Variants in NOL10 observed in about 807,000 individuals in gnomAD.
NOL10 encodes the protein H_NH0074G24.1.
NOL10 carries 58 observed loss-of-function variants against 103.5 expected under a neutral mutation model. That is an observed-to-expected ratio of 0.56 (90% confidence interval 0.45 to 0.70). NOL10 has a LOEUF of 0.70. NOL10 is among the 30% of genes least tolerant of loss of function. NOL10 has a pLI of 0.00. For missense variants in NOL10, 763 were observed against 807.3 expected, an observed-to-expected ratio of 0.95 and a Z score of 0.67; for synonymous variants, 287 against 282.5, an observed-to-expected ratio of 1.02 and a Z score of -0.16.
chr2:10,602,994 T>C, intron 15 of NOL10, 84 bp downstream of exon 15: 3 of 1,265,790 alleles, frequency 2.4e-6, no homozygotes, highest in Non-Finnish European at 2.3e-6. Flanking sequence ...CTATGTATGA[T>C]TTATGAAAGT....
chr2:10,685,497 CCCCCCCCCCCG>C (rs201185176), intron 1 of NOL10, among the ~76,000 whole-genome samples: 330 of 19,954 alleles, frequency 0.017, 24 homozygotes, highest in Middle Eastern at 0.024. Context: ...GTCCCCCCCC[CCCCCCCCCCCG>C]CCAAAAAAAA....
At chr2:10,640,806 T>G (rs760235951) in intron 13 of NOL10, among the ~76,000 whole-genome samples, 3 of 152,246 alleles carry the variant, frequency 2.0e-5, no homozygotes, top group Non-Finnish European at 4.4e-5. Context: ...CAATGACATA[T>G]AATAGAGGCA....
At chr2:10,578,747 T>C (rs921688460) in intron 19 of NOL10, among the ~76,000 whole-genome samples, 1 of 152,226 alleles carries the variant, frequency 6.6e-6, no homozygotes, top group East Asian at 1.9e-4. Flanking sequence ...CCTAATGATA[T>C]ATATTTTCAG....
At chr2:10,637,895 G>A (rs1678375608) in intron 13 of NOL10, among the ~76,000 whole-genome samples, 1 of 151,976 alleles carries the variant, frequency 6.6e-6, no homozygotes, top group Admixed American at 6.6e-5. Flanking sequence ...AAATTAAATG[G>A]TAAATGTTAA....
intron 17 of NOL10, among the ~76,000 whole-genome samples, chr2:10,593,400 G>T (rs2148170081): frequency 6.6e-6 from 1 of 152,108 alleles, no homozygotes; most frequent in East Asian, 1.9e-4. Flanking sequence ...GCCTTCCAAA[G>T]TGCTGGGATT....
Position 10,577,604 on chromosome 2 carries a change from GAATTAAAAAATAACAAT to G in NOL10, c.1947+15_1947+31del. The stretch of plus-strand genomic sequence containing the variant: ...TATTGAAAGGCTATTTTTCTTTTGT[GAATTAAAAAATAACAAT>G]AAAAGACAACTCACCCTCTTTAACG... On this transcript the variant is annotated intron_variant, in intron 20 of 20. Transcript: ENST00000381685. The G allele has an allele frequency of 6.7e-7, 1 of 1,483,580 alleles. No individual in the cohort carries two copies. The highest frequency in any genetic ancestry group is 2.3e-5 in the East Asian group (1 of 43,574). The allele number at this position is 1,483,580 out of a possible 1,614,324, so 91.9% of individuals were successfully genotyped here.
chr2:10,645,752 A>G (rs1679019934), intron 12 of NOL10, among the ~76,000 whole-genome samples: 1 of 151,676 alleles, frequency 6.6e-6, no homozygotes, highest in Admixed American at 6.6e-5. Context: ...GACAGTCTCA[A>G]TCTCCTGACC....
intron 17 of NOL10, among the ~76,000 whole-genome samples, chr2:10,593,065 CTAT>C (rs1675473320): frequency 6.6e-6 from 1 of 151,958 alleles, no homozygotes; most frequent in Non-Finnish European, 1.5e-5. Flanking sequence ...AGTGGGACGC[CTAT>C]TATTATTTTG....
At chr2:10,688,110 C>G (rs1682341877) in intron 1 of NOL10, among the ~76,000 whole-genome samples, 1 of 152,152 alleles carries the variant, frequency 6.6e-6, no homozygotes, top group African/African-American at 2.4e-5. Flanking sequence ...CAGTCCAATC[C>G]ATTAGCAAGT....
intron 19 of NOL10, 80 bp downstream of exon 19, chr2:10,588,963 C>A: frequency 6.4e-7 from 1 of 1,553,310 alleles, no homozygotes; most frequent in Non-Finnish European, 8.7e-7. Flanking sequence ...ACAGAAATGT[C>A]ATCTTTAGGG....
intron 13 of NOL10, among the ~76,000 whole-genome samples, chr2:10,635,599 C>T (rs1355956351): frequency 1.3e-5 from 2 of 152,124 alleles, no homozygotes; most frequent in African/African-American, 4.8e-5. Context: ...AGGGAAAATG[C>T]GTAGGAAGCC....
At chr2:10,683,963 C>G (rs1681962986) in intron 2 of NOL10, among the ~76,000 whole-genome samples, 1 of 152,030 alleles carries the variant, frequency 6.6e-6, no homozygotes, top group Admixed American at 6.6e-5. Flanking sequence ...AACATACCAA[C>G]CACAACAAAA....
At chr2:10,573,752 T>G (rs1375316740) in intron 20 of NOL10, among the ~76,000 whole-genome samples, 1 of 152,136 alleles carries the variant, frequency 6.6e-6, no homozygotes, top group Non-Finnish European at 1.5e-5. Context: ...ACTATTACTA[T>G]TCTTCAACTG....
chr2:10,624,611 T>C (rs1486908392), intron 13 of NOL10, among the ~76,000 whole-genome samples: 1 of 151,934 alleles, frequency 6.6e-6, no homozygotes, highest in African/African-American at 2.4e-5. Context: ...ATACATCACT[T>C]AACTTAGAAA....
chr2:10,677,326 C>A (rs1558350372), intron 3 of NOL10, among the ~76,000 whole-genome samples: 1 of 151,828 alleles, frequency 6.6e-6, no homozygotes, highest in Non-Finnish European at 1.5e-5. Context: ...CGGAGACTTT[C>A]ATATTTTATG....
intron 13 of NOL10, among the ~76,000 whole-genome samples, chr2:10,628,987 C>T (rs974681497): frequency 4.6e-5 from 7 of 152,084 alleles, no homozygotes; most frequent in African/African-American, 1.7e-4. Context: ...AAGGCCCTCT[C>T]ATCTCAAGTT....
At chr2:10,577,299 G>T (rs1279469022) in intron 20 of NOL10, among the ~76,000 whole-genome samples, 1 of 152,160 alleles carries the variant, frequency 6.6e-6, no homozygotes, top group Non-Finnish European at 1.5e-5. Flanking sequence ...TCTTTAGAGG[G>T]TCAGGATGGG....
intron 16 of NOL10, among the ~76,000 whole-genome samples, chr2:10,601,150 G>A (rs899881986): frequency 4.0e-5 from 6 of 151,416 alleles, no homozygotes; most frequent in Non-Finnish European, 7.4e-5. Flanking sequence ...TGCAACCTCC[G>A]CCTCCCGGGT....
At chr2:10,592,038 T>C (rs904117573) in intron 17 of NOL10, among the ~76,000 whole-genome samples, 5 of 151,700 alleles carry the variant, frequency 3.3e-5, no homozygotes, top group South Asian at 2.1e-4. Flanking sequence ...CAACCCAAAA[T>C]TGTGCTTCAA....
Sources: allele counts gnomAD v4.1 joint callset (sites outside exome capture counted in the v4.1 genomes callset), GRCh38; gene constraint gnomAD v4.1.1; transcripts MANE v1.5; gene names NCBI Gene and HGNC (gene_info 2026-07-23, HGNC 2026-07-21).